SRCAP: variants seen among roughly 807,000 people sequenced by gnomAD.
The protein encoded by SRCAP is Snf2 related CREBBP activator protein, also known as chromatin remodeling protein SRCAP.
SRCAP carries 46 observed loss-of-function variants against 263.1 expected under a neutral mutation model. That is an observed-to-expected ratio of 0.17 (90% CI 0.14 to 0.22). The LOEUF (loss-of-function observed/expected upper bound fraction) is 0.22. SRCAP is among the 10% of genes least tolerant of loss of function. SRCAP has a pLI of 1.00. For missense variants in SRCAP, 3,695 were observed against 4,181.9 expected (o/e 0.88, Z 3.21); for synonymous variants, 1,813 against 1,662.1 (o/e 1.09, Z -2.21).
chr16:30,725,398 G>A (rs867658897), intron 25 of SRCAP: 34 of 322,456 alleles, frequency 1.1e-4, no homozygotes, highest in African/African-American at 2.8e-4. Flanking sequence ...TATGATTTCC[G>A]GTAGCTGTTT....
rs1379078299 is a variant in SRCAP, at chr16:30,721,474, C to T, written c.3539C>T (p.Pro1180Leu). ...TCTCCCGATATGCAGGCTCGCCTGC[C>T]CTGTAAGTTCCCAGGGCTCTGTGGT... ...ILSPDMQARL[P>L]SGEVVSIGQL... The change falls in exon 21 of 34, where the codon CCC (proline) becomes CTC (leucine). Residue 1180 changes from proline (P) to leucine (L), a missense_variant and splice_region_variant. By Grantham distance (98) the Pro-to-Leu change is moderately conservative. This residue lies in a region of SRCAP where 1,347 missense variants were observed against 1,304.4 expected (regional missense o/e 1.03). Coordinates refer to ENST00000262518, the MANE Select transcript of SRCAP (RefSeq NM_006662.3). The T allele has an allele frequency of 1.2e-6, 2 of 1,608,156 alleles. No individual in the cohort carries two copies. The highest frequency in any genetic ancestry group is 8.5e-7 in the Non-Finnish European group (1 of 1,179,730).
At chr16:30,699,516 T>C (rs559423643) in intron 1 of SRCAP, among the ~76,000 whole-genome samples, 48 of 152,344 alleles carry the variant, frequency 3.2e-4, no homozygotes, top group African/African-American at 1.0e-3. Flanking sequence ...CGGATTTTCC[T>C]GTGACCAGCC....
chr16:30,731,380 T>C (rs902642531), intron 27 of SRCAP, among the ~76,000 whole-genome samples: 3 of 152,196 alleles, frequency 2.0e-5, no homozygotes, highest in Non-Finnish European at 2.9e-5. Context: ...AGAATGGCTA[T>C]TGGGTAAGTG....
chr16:30,714,342 G>T (rs2052923760), intron 16 of SRCAP, among the ~76,000 whole-genome samples: 1 of 150,750 alleles, frequency 6.6e-6, no homozygotes, highest in Non-Finnish European at 1.5e-5. Flanking sequence ...GGGATTATAG[G>T]CATGAGCCAC....
At position 30,733,327 on chromosome 16, in the gene SRCAP, G is replaced by A. The variant is rs760022715; in HGVS notation, c.6175G>A (p.Gly2059Ser). ...GCTGTTGCGGCAGCTCAAGGCAGAG[G>A]GCCACCGAGTGCTCATCTTCACCCA... Reference protein sequence around the residue: ...AVLLRQLKAEGHRVLIFTQMT... With the variant: ...AVLLRQLKAESHRVLIFTQMT... Residue 2059 changes from glycine (G) to serine (S), a missense_variant, in exon 28 of 34, where the codon GGC becomes AGC. Physicochemically the swap from Gly to Ser is moderately conservative, Grantham distance 56 (BLOSUM62 0). Coordinates refer to ENST00000262518, the MANE Select transcript of SRCAP (RefSeq NM_006662.3). The surrounding 1 kb of genome is among the most constrained non-coding windows in gnomAD (Gnocchi z 5.3). 15 of 1,614,082 alleles carry A rather than the reference G, an allele frequency of 9.3e-6. No homozygotes were observed. The highest frequency in any genetic ancestry group is 1.2e-5 in the Non-Finnish European group (14 of 1,180,010).
chr16:30,712,214 A>G (rs763756594), intron 12 of SRCAP, 48 bp from the exon 13 acceptor site: 1 of 1,599,148 alleles, frequency 6.3e-7, no homozygotes, highest in African/African-American at 1.3e-5. Flanking sequence ...ATGTCCCCAC[A>G]ACAAATGCCT....
rs369664039 is a variant in SRCAP at position 30,738,453 on chromosome 16, A to C, written c.8413A>C (p.Ile2805Leu). ...SMSGPESSPPIGGPCEAAPSS... is the reference protein window; with the variant it reads ...SMSGPESSPPLGGPCEAAPSS... ...GTCAGGGCCAGAATCCTCCCCTCCC[A>C]TTGGTGGGCCCTGTGAAGCTGCTCC... Residue 2805 changes from isoleucine to leucine, a missense_variant, in exon 34 of 34, where the codon ATT (isoleucine) becomes CTT (leucine). By Grantham distance (5) the Ile-to-Leu change is conservative. Around this residue, in one of 12 missense-constraint regions of SRCAP, gnomAD observed 1,207 missense variants for 1,142.9 expected, o/e 1.06. Transcript: ENST00000262518. 6.4e-7 allele frequency: 1 copy of C among 1,561,570 alleles called. No homozygotes were observed. Among genetic ancestry groups the C allele is most frequent in the South Asian group, 1.2e-5 (1 of 83,040 alleles).
At chr16:30,728,661 CTTAA>C (rs1200072336) in intron 25 of SRCAP, among the ~76,000 whole-genome samples, 1 of 152,110 alleles carries the variant, frequency 6.6e-6, no homozygotes, top group Non-Finnish European at 1.5e-5. Context: ...AATTGTAGAT[CTTAA>C]TTTTGAATAT....
In SRCAP at chr16:30,706,476, C is replaced by T. The variant is rs572696914; in HGVS notation, c.307-707C>T. On this transcript the variant is annotated intron_variant, in intron 4 of 33. Coordinates refer to ENST00000262518, the MANE Select transcript of SRCAP (RefSeq NM_006662.3). ...TCAGAAAAAGAAATAAGGCAGTTGT[C>T]CTGAATTTTTTGAGTCGTCTCTGTC... 4.6e-5 allele frequency among the ~76,000 whole-genome samples: 7 copies of T among 152,060 alleles called. No homozygotes were observed. In the East Asian group the frequency reaches 5.8e-4, roughly 13 times the overall value.
chr16:30,704,165 T>C lies in SRCAP; in HGVS notation c.156T>C (p.Ala52=), dbSNP rs1333472482. 4 of 1,614,014 alleles carry C rather than the reference T, an allele frequency of 2.5e-6. No individual in the cohort carries two copies. Among genetic ancestry groups the C allele is most frequent in the Non-Finnish European group, 2.5e-6 (3 of 1,180,036 alleles). ...GAGGISPQHI[A]QDSSLDGPPG... is the part of the protein sequence containing the mutation. ...GCGGCATCTCCCCGCAGCACATAGC[T>C]CAAGATTCCTCACTGGATGGACCTC... Residue 52 remains alanine, a synonymous_variant, in exon 4 of 34, where the codon GCT becomes GCC. Coordinates refer to ENST00000262518, the MANE Select transcript of SRCAP (RefSeq NM_006662.3).
In SRCAP at chr16:30,710,551, GTTCC is replaced by G. The variant is rs760950356; in HGVS notation, c.1135-198_1135-195del. ...TTATTTGTTACCTGGCACTTTCACA[GTTCC>G]TTCCCCAGGCAGTGGGGCCAGGATT... On this transcript the variant is annotated intron_variant, in intron 8 of 33. Coordinates refer to ENST00000262518, the MANE Select transcript of SRCAP (RefSeq NM_006662.3). 9 of 770,202 alleles carry G rather than the reference GTTCC, an allele frequency of 1.2e-5. No individual in the cohort carries two copies. In the African/African-American group the frequency reaches 1.5e-4, roughly 13 times the overall value. The allele number at this position is 770,202 out of a possible 1,614,324, so 47.7% of individuals were successfully genotyped here.
At position 30,720,214 on chromosome 16, in the gene SRCAP, G is replaced by A. The variant is rs1215453424; in HGVS notation, c.2870G>A (p.Arg957Gln). 22 of 1,613,772 alleles carry A rather than the reference G, an allele frequency of 1.4e-5. No individual in the cohort carries two copies. Among genetic ancestry groups the A allele is most frequent in the Non-Finnish European group, 1.8e-5 (21 of 1,179,844 alleles). The change falls in exon 19 of 34, where the codon CGA becomes CAA. Residue 957 changes from arginine to glutamine, a missense_variant. Coordinates refer to ENST00000262518, the MANE Select transcript of SRCAP (RefSeq NM_006662.3). ...ATTGGCCTGGAAGGTCGTGTCTCTC[G>A]ATATGAGGCAGACACATTTCTGCCC... ...DLIGLEGRVS[R>Q]YEADTFLPRH...
rs1380245622 is a variant in SRCAP at position 30,711,660 on chromosome 16, G to GT, written c.1410dup (p.Asp471Ter). 1 of 1,614,014 alleles carries GT rather than the reference G, an allele frequency of 6.2e-7. No homozygotes were observed. The highest frequency in any genetic ancestry group is 8.5e-7 in the Non-Finnish European group (1 of 1,180,030). The stretch of plus-strand genomic sequence containing the variant: ...CAGTGAAGATGAGGATGAAGATGAG[G>GT]TTGATGCTAATAGCTCTGACTGTGA... On this transcript the variant is annotated frameshift_variant, in exon 11 of 34. Transcript: ENST00000262518. LOFTEE classifies it high-confidence loss of function.
At chr16:30,718,283 T>C (rs1332924050) in intron 18 of SRCAP, among the ~76,000 whole-genome samples, 1 of 151,924 alleles carries the variant, frequency 6.6e-6, no homozygotes, top group African/African-American at 2.4e-5. Context: ...TTCAAGTGAT[T>C]CTCCTGCCTC....
intron 25 of SRCAP, among the ~76,000 whole-genome samples, chr16:30,727,771 C>T (rs1239563779): frequency 6.6e-6 from 1 of 152,106 alleles, no homozygotes; most frequent in African/African-American, 2.4e-5. Flanking sequence ...CCAGGATGGT[C>T]TTGATATCTT....
intron 5 of SRCAP, 30 bp from the exon 6 acceptor site, chr16:30,707,542 T>C (rs763088830): frequency 5.0e-6 from 8 of 1,610,264 alleles, no homozygotes; most frequent in Admixed American, 3.4e-5. Context: ...TGGCTTTGAG[T>C]GTTTTCACCC....
In SRCAP at chr16:30,737,157, G is replaced by A; in HGVS notation, c.7117G>A (p.Gly2373Arg). ...GPGAGDESSC[G>R]TGGGTHRRSK... ...GGGGGCTGGGGATGAGAGTTCCTGT[G>A]GGACTGGTGGAGGCACCCACCGGCG... The change falls in exon 34 of 34, where the codon GGG becomes AGG. Residue 2373 changes from glycine to arginine, a missense_variant. Transcript: ENST00000262518. 1 of 1,613,968 alleles carries A rather than the reference G, an allele frequency of 6.2e-7. No individual in the cohort carries two copies. Among genetic ancestry groups the A allele is most frequent in the Non-Finnish European group, 8.5e-7 (1 of 1,179,986 alleles).
At chr16:30,725,599 G>T (rs2151294947) in intron 25 of SRCAP, 2 of 153,552 alleles carry the variant, frequency 1.3e-5, no homozygotes, top group African/African-American at 4.8e-5. Flanking sequence ...CCTTCCACCA[G>T]TGCCATTGAC....
chr16:30,727,462 C>T (rs373582549), intron 25 of SRCAP, among the ~76,000 whole-genome samples: 5 of 152,136 alleles, frequency 3.3e-5, no homozygotes, highest in East Asian at 1.9e-4. Context: ...GCACAGTCTC[C>T]GCTCATTGCA....
Sources: gnomAD v4.1 joint callset for allele counts (sites outside exome capture counted in the v4.1 genomes callset) on GRCh38, gnomAD v4.1.1 for gene constraint, gnomAD v4.1.1 regional missense constraint, Gnocchi (gnomAD v3.1) non-coding constraint, MANE v1.5 for transcripts, NCBI Gene and HGNC (gene_info 2026-07-23, HGNC 2026-07-21) for gene names.